WDR43: variants seen among roughly 807,000 people sequenced by gnomAD.
WDR43 encodes the protein WD repeat domain 43, also known as WD repeat-containing protein 43.
Under a neutral mutation model 91.4 loss-of-function variants are expected in WDR43, and 13 were observed. The observed-to-expected ratio is 0.14, with a 90% CI of 0.09 to 0.23. The LOEUF (loss-of-function observed/expected upper bound fraction) is 0.23. Ranked by LOEUF, WDR43 falls within the 10% of genes least tolerant of loss-of-function variation. WDR43 has a pLI of 1.00. For synonymous variants in WDR43, 331 were observed against 287.9 expected (o/e 1.15, Z -1.51); for missense variants, 780 against 809.4 (o/e 0.96, Z 0.44).
intron 16 of WDR43, among the ~76,000 whole-genome samples, chr2:28,944,668 AAACC>A (rs760097596): frequency 2.6e-5 from 4 of 152,242 alleles, no homozygotes; most frequent in Non-Finnish European, 5.9e-5. Flanking sequence ...TTTGATTACA[AAACC>A]AAGTCAAAAA....
chr2:28,917,810 C>G (rs1360753921), intron 5 of WDR43, 83 bp from the exon 6 acceptor site: 5 of 1,195,496 alleles, frequency 4.2e-6, no homozygotes, highest in Non-Finnish European at 5.9e-6. Context: ...ATGTGCTGAT[C>G]TCCATGCCTC....
Position 28,912,473 on chromosome 2 carries a change from C to G in WDR43, c.486-117C>G, listed in dbSNP as rs1244284348. 3 of 1,278,384 alleles carry G rather than the reference C, an allele frequency of 2.3e-6. No homozygotes were observed. The African/African-American group carries it at 4.5e-5, about 19-fold the overall frequency. 79.2% of individuals were successfully genotyped at this position (1,278,384 alleles called of 1,614,324 possible). A position where few individuals can be genotyped will look rare whatever the true frequency, so the allele number is the denominator to read the frequency against. On this transcript the variant is annotated intron_variant, in intron 3 of 17. Coordinates refer to ENST00000407426, the MANE Select transcript of WDR43 (RefSeq NM_015131.3). The stretch of plus-strand genomic sequence containing the variant: ...ACAAGCTTTTAGGGAATGTAATTGT[C>G]ACAGGACCTGAGGCGATATTTTTAA...
intron 2 of WDR43, among the ~76,000 whole-genome samples, chr2:28,904,090 C>T (rs1015754213): frequency 6.6e-6 from 1 of 152,106 alleles, no homozygotes; most frequent in African/African-American, 2.4e-5. Flanking sequence ...AGGCATGAGC[C>T]ACCATACCCA....
chr2:28,899,258 C>T (rs1380837566), intron 1 of WDR43, among the ~76,000 whole-genome samples: 2 of 152,152 alleles, frequency 1.3e-5, no homozygotes, highest in Non-Finnish European at 2.9e-5. Flanking sequence ...GGAAACACAA[C>T]TGACTGTGAC....
intron 14 of WDR43, among the ~76,000 whole-genome samples, chr2:28,939,951 C>CA (rs1185161944): frequency 6.6e-6 from 1 of 151,578 alleles, no homozygotes; most frequent in African/African-American, 2.4e-5. Flanking sequence ...ACTAAAAATA[C>CA]AAAAAATTAG....
In WDR43 at chr2:28,946,884, A is replaced by G. The variant is rs1239222970; in HGVS notation, c.*105A>G. On this transcript the variant is annotated 3_prime_UTR_variant, in exon 18 of 18. Transcript: ENST00000407426. ...TGCCAAGGACCGCTGCACATTTCCA[A>G]ATTCACAGCAGTGGATCCCATGCCA... 1 of 1,335,334 alleles carries G rather than the reference A, an allele frequency of 7.5e-7. No homozygotes were observed. Among genetic ancestry groups the G allele is most frequent in the Admixed American group, 2.9e-5 (1 of 35,020 alleles). The allele number at this position is 1,335,334 out of a possible 1,614,324, so 82.7% of individuals were successfully genotyped here.
At chr2:28,939,723 G>A (rs1362444509) in intron 14 of WDR43, among the ~76,000 whole-genome samples, 3 of 152,172 alleles carry the variant, frequency 2.0e-5, no homozygotes, top group East Asian at 1.9e-4. Flanking sequence ...ACTAATTTTT[G>A]TGTCTGTCTG....
rs1026970516 is a variant in WDR43, at chr2:28,947,443, G to A, written c.*664G>A. ...TTTTTTAAAACAAAACAAAAATTAT[G>A]GTCATTAAAAAACTAGAGAATTAGC... On this transcript the variant is annotated 3_prime_UTR_variant, in exon 18 of 18. Coordinates refer to ENST00000407426, the MANE Select transcript of WDR43 (RefSeq NM_015131.3). The A allele has an allele frequency of 1.3e-5, 2 of 151,842 alleles. No homozygotes were observed. The highest frequency in any genetic ancestry group is 2.9e-5 in the Non-Finnish European group (2 of 67,970). 9.4% of individuals were successfully genotyped at this position (151,842 alleles called of 1,614,324 possible). A position where few individuals can be genotyped will look rare whatever the true frequency, so the allele number is the denominator to read the frequency against.
At chr2:28,919,191 G>A (rs6710697) in intron 6 of WDR43, among the ~76,000 whole-genome samples, 62,098 of 151,922 alleles carry the variant, frequency 0.41, 13,449 homozygotes, top group Middle Eastern at 0.53. Flanking sequence ...CTGGGAGGTC[G>A]AAGCTGTAGT....
At chr2:28,907,624 G>A (rs1210404858) in intron 3 of WDR43, among the ~76,000 whole-genome samples, 3 of 146,732 alleles carry the variant, frequency 2.0e-5, no homozygotes, top group East Asian at 2.0e-4. Flanking sequence ...AAAAAAAAAA[G>A]GCTGGGCTTG....
Position 28,947,820 on chromosome 2 carries a change from A to G in WDR43, c.*1041A>G, listed in dbSNP as rs183327980. The G allele has an allele frequency of 7.4e-5, 11 of 149,430 alleles. No homozygotes were observed. In the East Asian group the frequency reaches 1.6e-3, roughly 21 times the overall value. The allele number at this position is 149,430 out of a possible 1,614,324, so 9.3% of individuals were successfully genotyped here. ...CTCAAGATTTTTTATGTATGTATAAATATTTTGGTGTGCTACAAAAGCCTT... is the reference window on the plus strand; with the variant it reads ...CTCAAGATTTTTTATGTATGTATAAGTATTTTGGTGTGCTACAAAAGCCTT... On this transcript the variant is annotated 3_prime_UTR_variant, in exon 18 of 18. Transcript: ENST00000407426.
chr2:28,946,403 C>T (rs377187200), intron 16 of WDR43, 47 bp from the exon 17 acceptor site: 21 of 1,568,720 alleles, frequency 1.3e-5, no homozygotes, highest in Non-Finnish European at 1.6e-5. Flanking sequence ...AGGCTGTACC[C>T]TCTGTTTTGT....
intron 14 of WDR43, among the ~76,000 whole-genome samples, chr2:28,938,275 A>G (rs1419548702): frequency 6.6e-6 from 1 of 152,224 alleles, no homozygotes; most frequent in Non-Finnish European, 1.5e-5. Context: ...TTATATAATG[A>G]CATACTAAGA....
chr2:28,898,915 A>G (rs529208415), intron 1 of WDR43, among the ~76,000 whole-genome samples: 3 of 152,338 alleles, frequency 2.0e-5, no homozygotes, highest in South Asian at 4.1e-4. Flanking sequence ...TCTTCATCCC[A>G]TCTGTACAAC....
chr2:28,929,674 C>T lies in WDR43; in HGVS notation c.1401C>T (p.Thr467=), dbSNP rs1229341313. Residue 467 remains threonine (T), a synonymous_variant, in exon 11 of 18, where the codon ACC becomes ACT. Coordinates refer to ENST00000407426, the MANE Select transcript of WDR43 (RefSeq NM_015131.3). The part of the protein sequence containing the change: ...LQTNSFPVLL[T]QGLESNDFEM... ...CGAATAGCTTTCCAGTTCTTCTTAC[C>T]CAGGGCTTAGAAAGTAACGATTTTG... 6.2e-7 allele frequency: 1 copy of T among 1,613,344 alleles called. No individual in the cohort carries two copies. Among genetic ancestry groups the T allele is most frequent in the Non-Finnish European group, 8.5e-7 (1 of 1,179,670 alleles).
chr2:28,901,885 T>C, intron 1 of WDR43, 102 bp from the exon 2 acceptor site: 1 of 1,195,298 alleles, frequency 8.4e-7, no homozygotes, highest in Non-Finnish European at 1.1e-6. Flanking sequence ...TTCCCCCCTT[T>C]TAAAATGTCT....
intron 12 of WDR43, 111 bp from the exon 13 acceptor site, chr2:28,936,811 T>C: frequency 1.0e-6 from 1 of 1,000,698 alleles, no homozygotes; most frequent in South Asian, 1.4e-5. Flanking sequence ...CGGTTTAAAA[T>C]AGACTACTTA....
chr2:28,894,691 G>GAGC lies in WDR43; in HGVS notation c.-3_-1dup. The GAGC allele has an allele frequency of 1.3e-6, 2 of 1,557,050 alleles. No individual in the cohort carries two copies. The highest frequency in any genetic ancestry group is 1.7e-6 in the Non-Finnish European group (2 of 1,150,786). On this transcript the variant is annotated 5_prime_UTR_variant, in exon 1 of 18. Coordinates refer to ENST00000407426, the MANE Select transcript of WDR43 (RefSeq NM_015131.3). Reference sequence around the variant, plus strand: ...CGAACACGTGGCTGCAGCGGGGCCAGAGCAGCAATGGCGGCGGGCGGCGGC... The same window carrying GAGC: ...CGAACACGTGGCTGCAGCGGGGCCAGAGCAGCAGCAATGGCGGCGGGCGGCGGC...
intron 7 of WDR43, 112 bp from the exon 8 acceptor site, chr2:28,924,870 G>T: frequency 7.9e-7 from 1 of 1,269,374 alleles, no homozygotes. Flanking sequence ...ACTCCTGATG[G>T]CAGTATAGAG....
Sources: allele counts gnomAD v4.1 joint callset (sites outside exome capture counted in the v4.1 genomes callset), GRCh38; gene constraint gnomAD v4.1.1; transcripts MANE v1.5; gene names NCBI Gene and HGNC (gene_info 2026-07-23, HGNC 2026-07-21).